CNTN4: variants seen among roughly 807,000 people sequenced by gnomAD.
The protein encoded by CNTN4 is contactin-4.
Under a neutral mutation model 122.5 loss-of-function variants are expected in CNTN4, and 77 were observed. The ratio of observed to expected loss-of-function variants is 0.63; its 90% CI spans 0.52 to 0.76. The LOEUF is 0.76. Among genes scored for constraint, CNTN4 ranks in the 30% least tolerant of loss-of-function variants. The pLI, the probability that CNTN4 is intolerant of heterozygous loss-of-function variation, is 0.00. For missense variants in CNTN4, 1,256 were observed against 1,259.1 expected, an observed-to-expected ratio of 1.00 and a Z score of 0.04; for synonymous variants, 512 against 447.0, an observed-to-expected ratio of 1.15 and a Z score of -1.83.
At chr3:3,039,169 G>A (rs1338510333) in intron 19 of CNTN4, 166 bp downstream of exon 19, 2 of 655,218 alleles carry the variant, frequency 3.1e-6, no homozygotes, top group Non-Finnish European at 2.8e-6. Flanking sequence ...CAGGAAGGAC[G>A]GCACTTGCCC....
At chr3:3,025,007 T>C (rs1160402920) in intron 14 of CNTN4, among the ~76,000 whole-genome samples, 2 of 152,220 alleles carry the variant, frequency 1.3e-5, no homozygotes, top group East Asian at 3.8e-4. Flanking sequence ...TGGTTTAGTA[T>C]GTAGAAATTT....
chr3:3,031,440 C>T (rs163544), intron 16 of CNTN4, among the ~76,000 whole-genome samples: 20 of 152,234 alleles, frequency 1.3e-4, no homozygotes, highest in South Asian at 4.2e-4. Context: ...CAGTGCTGTT[C>T]GGTTCCTAAA....
At chr3:2,896,855 C>G (rs1168560762) in intron 10 of CNTN4, among the ~76,000 whole-genome samples, 1 of 151,156 alleles carries the variant, frequency 6.6e-6, no homozygotes, top group African/African-American at 2.4e-5. Context: ...GATGATTCAT[C>G]TTCTCCAAAA....
rs140554734 is a variant in CNTN4, at chr3:2,723,892, T to A, written c.56-12323T>A. Among the ~76,000 whole-genome samples, 396 of 152,298 alleles carry A rather than the reference T, an allele frequency of 2.6e-3. 1 individual carries two copies. The highest frequency in any genetic ancestry group is 9.0e-3 in the African/African-American group (376 of 41,576). On this transcript the variant is annotated intron_variant, in intron 4 of 24. Coordinates refer to ENST00000418658, the MANE Select transcript of CNTN4 (RefSeq NM_175607.3). ...TCAGTCCCTGTTCTGCAGCCTCTTATAACGGTGGCCTGTCTCCAGGCCTCT... is the reference window on the plus strand; with the variant it reads ...TCAGTCCCTGTTCTGCAGCCTCTTAAAACGGTGGCCTGTCTCCAGGCCTCT...
At chr3:2,806,324 CG>C (rs1193615011) in intron 6 of CNTN4, among the ~76,000 whole-genome samples, 1 of 152,178 alleles carries the variant, frequency 6.6e-6, no homozygotes, top group Non-Finnish European at 1.5e-5. Flanking sequence ...GGATTGTAAA[CG>C]TCTTGAGATC....
chr3:2,755,882 T>TA (rs1206660274), intron 6 of CNTN4, among the ~76,000 whole-genome samples: 1 of 152,152 alleles, frequency 6.6e-6, no homozygotes, highest in Admixed American at 6.5e-5. Context: ...TGTATCACCA[T>TA]AAAAAAACCA....
intron 3 of CNTN4, among the ~76,000 whole-genome samples, chr3:2,441,023 T>G (rs1309611285): frequency 2.0e-5 from 3 of 151,586 alleles, no homozygotes; most frequent in African/African-American, 7.3e-5. Flanking sequence ...AAAGGTTAAA[T>G]GAGTATTCCA....
At chr3:2,732,068 G>C (rs560580061) in intron 4 of CNTN4, among the ~76,000 whole-genome samples, 9 of 152,272 alleles carry the variant, frequency 5.9e-5, no homozygotes, top group African/African-American at 1.9e-4. Context: ...TATTAGTCCA[G>C]GCAGGCATGT....
chr3:2,315,386 G>A (rs554992687), intron 2 of CNTN4, among the ~76,000 whole-genome samples: 2 of 152,122 alleles, frequency 1.3e-5, no homozygotes, highest in African/African-American at 2.4e-5. Context: ...TTTCCCAAAC[G>A]AGAAGTGGGA....
In CNTN4 at chr3:2,592,288, C is replaced by T. The variant is rs370756077; in HGVS notation, c.55+20730C>T. ...AGAAAACATATGAATATCTTCGAGACCTGTACTTTACCTATCTGCATGATT... is the reference window on the plus strand; with the variant it reads ...AGAAAACATATGAATATCTTCGAGATCTGTACTTTACCTATCTGCATGATT... On this transcript the variant is annotated intron_variant, in intron 4 of 24. Transcript: ENST00000418658. 1.7e-4 allele frequency among the ~76,000 whole-genome samples: 26 copies of T among 152,224 alleles called. No homozygotes were observed. The Middle Eastern group carries it at 0.01, about 60-fold the overall frequency.
chr3:2,627,593 A>C (rs548963170), intron 4 of CNTN4, among the ~76,000 whole-genome samples: 287 of 148,174 alleles, frequency 1.9e-3, no homozygotes, highest in East Asian at 4.4e-3. Context: ...TCCTGGGTTC[A>C]GGCCATTCTC....
At chr3:2,656,537 C>A (rs1013559708) in intron 4 of CNTN4, among the ~76,000 whole-genome samples, 1 of 152,144 alleles carries the variant, frequency 6.6e-6, no homozygotes, top group African/African-American at 2.4e-5. Flanking sequence ...TGTTTGAATC[C>A]CAAGCTCTAG....
At chr3:2,326,526 A>AT (rs768978831) in intron 2 of CNTN4, among the ~76,000 whole-genome samples, 7 of 111,532 alleles carry the variant, frequency 6.3e-5, no homozygotes, top group African/African-American at 2.0e-4. Context: ...ACACACACAC[A>AT]CAATCTTACT....
chr3:3,015,753 A>G (rs1697697758), intron 14 of CNTN4, among the ~76,000 whole-genome samples: 1 of 152,210 alleles, frequency 6.6e-6, no homozygotes, highest in African/African-American at 2.4e-5. Flanking sequence ...TTTGCATGTA[A>G]TCACAATGGA....
chr3:2,806,173 T>G (rs1378363817), intron 6 of CNTN4, among the ~76,000 whole-genome samples: 4 of 152,180 alleles, frequency 2.6e-5, no homozygotes, highest in Admixed American at 6.5e-5. Context: ...AGTGCTGGGA[T>G]TACAGGCGTG....
intron 4 of CNTN4, among the ~76,000 whole-genome samples, chr3:2,696,524 T>C (rs2086043835): frequency 6.6e-6 from 1 of 152,210 alleles, no homozygotes; most frequent in East Asian, 1.9e-4. Context: ...AGGCACCATC[T>C]TGGAAGCAGA....
chr3:2,971,288 C>A (rs898761630), intron 13 of CNTN4, among the ~76,000 whole-genome samples: 1 of 151,974 alleles, frequency 6.6e-6, no homozygotes, highest in Admixed American at 6.6e-5. Flanking sequence ...TATTTCAATC[C>A]CGTGTTGTTC....
chr3:2,488,621 A>G (rs1337428118), intron 3 of CNTN4, among the ~76,000 whole-genome samples: 1 of 152,224 alleles, frequency 6.6e-6, no homozygotes, highest in African/African-American at 2.4e-5. Flanking sequence ...GCTTACATTC[A>G]TCTCAATGTT....
chr3:2,772,675 A>G (rs989611024), intron 6 of CNTN4, among the ~76,000 whole-genome samples: 1 of 152,240 alleles, frequency 6.6e-6, no homozygotes, highest in Non-Finnish European at 1.5e-5. Context: ...ACTAGAATGT[A>G]AAGTCACCTT....
Sources: gnomAD v4.1 joint callset for allele counts (sites outside exome capture counted in the v4.1 genomes callset) on GRCh38, gnomAD v4.1.1 for gene constraint, MANE v1.5 for transcripts, NCBI Gene and HGNC (gene_info 2026-07-23, HGNC 2026-07-21) for gene names.